ASIC2: variants seen among roughly 807,000 people sequenced by gnomAD.
ASIC2 encodes the protein acid-sensing ion channel 2.
A neutral mutation model predicts 57.3 loss-of-function variants in ASIC2; 25 were observed. The ratio of observed to expected loss-of-function variants is 0.44; its 90% CI spans 0.32 to 0.61. ASIC2 has a LOEUF of 0.61. Ranked by LOEUF, ASIC2 falls within the 20% of genes least tolerant of loss-of-function variation. The pLI is 0.06. For synonymous variants in ASIC2, 319 were observed against 307.5 expected (o/e 1.04, Z -0.39); for missense variants, 641 against 738.1 (o/e 0.87, Z 1.52).
chr17:33,603,514 G>A (rs575835502), intron 1 of ASIC2, among the ~76,000 whole-genome samples: 1 of 152,324 alleles, frequency 6.6e-6, no homozygotes, highest in South Asian at 2.1e-4. Flanking sequence ...CCAGCACCCA[G>A]AAGAGAAGAC....
At chr17:34,053,653 G>A (rs1274772304) in intron 1 of ASIC2, among the ~76,000 whole-genome samples, 2 of 152,136 alleles carry the variant, frequency 1.3e-5, no homozygotes, top group African/African-American at 4.8e-5. Flanking sequence ...TAAACATTTG[G>A]TAATAAAAGG....
chr17:33,293,315 G>C (rs1306965612), upstream of ASIC2, among the ~76,000 whole-genome samples: 2 of 152,076 alleles, frequency 1.3e-5, no homozygotes, highest in Non-Finnish European at 2.9e-5. Flanking sequence ...GGGCGGCGGC[G>C]GCCGTGAGCG....
intron 1 of ASIC2, among the ~76,000 whole-genome samples, chr17:33,612,855 C>T (rs1040504016): frequency 3.9e-5 from 6 of 152,274 alleles, no homozygotes; most frequent in East Asian, 1.9e-4. Context: ...CAGCATGGTC[C>T]AGAGTATCTT....
chr17:33,981,346 T>A (rs317371), intron 1 of ASIC2, among the ~76,000 whole-genome samples: 3 of 152,008 alleles, frequency 2.0e-5, no homozygotes, highest in Admixed American at 1.3e-4. Flanking sequence ...TGACACAGGC[T>A]TAAACTCTGA....
At chr17:33,337,584 T>A (rs918442486) in intron 1 of ASIC2, among the ~76,000 whole-genome samples, 4 of 152,232 alleles carry the variant, frequency 2.6e-5, no homozygotes, top group African/African-American at 9.6e-5. Flanking sequence ...ATGAGATAAT[T>A]CGTTTGGCAA....
intron 1 of ASIC2, among the ~76,000 whole-genome samples, chr17:33,804,710 A>C (rs1012194874): frequency 6.6e-6 from 1 of 152,170 alleles, no homozygotes; most frequent in Admixed American, 6.5e-5. Context: ...CTCTGAGTAC[A>C]TTCTCAGCTT....
intron 1 of ASIC2, among the ~76,000 whole-genome samples, chr17:33,901,078 G>A (rs1004301034): frequency 2.0e-5 from 3 of 152,114 alleles, no homozygotes; most frequent in African/African-American, 7.2e-5. Flanking sequence ...GTCCTACTAT[G>A]ACAAAGTCCT....
At chr17:33,289,833 C>T (rs1905347371) in intron 1 of ASIC2, among the ~76,000 whole-genome samples, 2 of 152,126 alleles carry the variant, frequency 1.3e-5, no homozygotes, top group Non-Finnish European at 2.9e-5. Flanking sequence ...GGAGCAGGAG[C>T]GAGGGCCTGT....
intron 1 of ASIC2, among the ~76,000 whole-genome samples, chr17:33,384,203 T>C (rs1909590082): frequency 6.6e-6 from 1 of 152,238 alleles, no homozygotes; most frequent in South Asian, 2.1e-4. Context: ...AATGTTACCC[T>C]GTAGAATAGG....
In ASIC2 at chr17:34,059,245, T is replaced by C. The variant is rs576933539; in HGVS notation, c.555+96733A>G. 3.9e-5 allele frequency among the ~76,000 whole-genome samples: 6 copies of C among 152,112 alleles called. No homozygotes were observed. In the South Asian group the frequency reaches 8.3e-4, roughly 21 times the overall value. The stretch of plus-strand genomic sequence containing the variant: ...CAAACACACACCCCCACTGGAGAGG[T>C]TGAAGGTCTGTTTGTGGGAGAAGCT... On this transcript the variant is annotated intron_variant, in intron 1 of 9. Coordinates refer to the ASIC2 transcript ENST00000359872.
chr17:34,128,563 T>C (rs567424281), intron 1 of ASIC2, among the ~76,000 whole-genome samples: 1 of 151,964 alleles, frequency 6.6e-6, no homozygotes, highest in South Asian at 2.1e-4. Flanking sequence ...AGTTTCCTCA[T>C]CCTTTCAGTG....
At chr17:33,712,408 T>C (rs1214457420) in intron 1 of ASIC2, among the ~76,000 whole-genome samples, 1 of 152,212 alleles carries the variant, frequency 6.6e-6, no homozygotes, top group Non-Finnish European at 1.5e-5. Flanking sequence ...TTTGCATCTG[T>C]TAGTTATTTA....
intron 1 of ASIC2, among the ~76,000 whole-genome samples, chr17:34,114,289 C>G (rs781393653): frequency 2.0e-5 from 3 of 152,192 alleles, no homozygotes. Flanking sequence ...CTTAGCACAA[C>G]TCTTGGCTCA....
chr17:33,718,780 G>A (rs9913072), intron 1 of ASIC2, among the ~76,000 whole-genome samples: 1,565 of 152,242 alleles, frequency 0.01, 33 homozygotes, highest in African/African-American at 0.037. Context: ...GCGACACTCA[G>A]GGCTCAGTTC....
At chr17:33,745,734 C>T (rs1351168057) in intron 1 of ASIC2, among the ~76,000 whole-genome samples, 2 of 151,922 alleles carry the variant, frequency 1.3e-5, no homozygotes, top group East Asian at 1.9e-4. Flanking sequence ...AAAATAAAGG[C>T]ATTTTCTGAT....
intron 1 of ASIC2, among the ~76,000 whole-genome samples, chr17:33,452,576 C>T (rs1046439849): frequency 5.3e-5 from 8 of 152,044 alleles, no homozygotes; most frequent in Non-Finnish European, 1.2e-4. Context: ...CTTCCTGGGC[C>T]CACGACATAG....
chr17:33,572,533 A>G (rs528372204), intron 1 of ASIC2, among the ~76,000 whole-genome samples: 22 of 152,262 alleles, frequency 1.4e-4, no homozygotes, highest in Admixed American at 7.8e-4. Flanking sequence ...GACTCAGGGA[A>G]CCCACTGCCC....
rs550489881 is a variant in ASIC2, at chr17:33,257,272, C to T, written c.708+34136G>A. On this transcript the variant is annotated intron_variant, in intron 1 of 9. Coordinates refer to ENST00000225823, the MANE Select transcript of ASIC2 (RefSeq NM_183377.2). ...TGACCAGGTGCCCTCCTTTACAAAG[C>T]CCATTAGAAATTGACTCCCCTGCTC... Among the ~76,000 whole-genome samples the T allele has an allele frequency of 4.6e-4, 70 of 152,278 alleles. 1 individual carries two copies. The East Asian group carries it at 8.7e-3, about 19-fold the overall frequency.
chr17:33,684,350 T>C (rs117692010), intron 1 of ASIC2, among the ~76,000 whole-genome samples: 1 of 152,032 alleles, frequency 6.6e-6, no homozygotes, highest in South Asian at 2.1e-4. Context: ...TCAGAGTGGC[T>C]CATTTTAGAG....
Sources: gnomAD v4.1 joint callset for allele counts (sites outside exome capture counted in the v4.1 genomes callset) on GRCh38, gnomAD v4.1.1 for gene constraint, MANE v1.5 for transcripts, NCBI Gene and HGNC (gene_info 2026-07-23, HGNC 2026-07-21) for gene names.